Variants in AGAP1 observed in about 807,000 individuals in gnomAD.
AGAP1 encodes the protein arf-GAP with GTPase, ANK repeat and PH domain-containing protein 1.
Under a neutral mutation model 105.3 loss-of-function variants are expected in AGAP1, and 29 were observed. The ratio of observed to expected loss-of-function variants is 0.28; its 90% confidence interval spans 0.21 to 0.38. The LOEUF (loss-of-function observed/expected upper bound fraction) is 0.38, where lower values mean the gene tolerates loss of function less well. Ranked by LOEUF, AGAP1 falls within the 10% of genes least tolerant of loss-of-function variation. The pLI is 1.00. For synonymous variants in AGAP1, 509 were observed against 485.9 expected (o/e 1.05, Z -0.63); for missense variants, 998 against 1,165.1 (o/e 0.86, Z 2.09).
rs1943788478 is a variant in AGAP1 at position 235,550,964 on chromosome 2, G to C, written c.163+56115G>C. Among the ~76,000 whole-genome samples the C allele has an allele frequency of 2.6e-5, 4 of 152,176 alleles. 1 individual carries two copies. The South Asian group carries it at 8.3e-4, about 32-fold the overall frequency. On this transcript the variant is annotated intron_variant, in intron 1 of 17. Transcript: ENST00000304032. This position sits in a 1 kb window ranked among gnomAD's most constrained non-coding sequence, Gnocchi z 4.6. ...TAATTTTTGTATTTTAGTAGAAATG[G>C]GGTTTCACCATGTTGGGCAGGCTGG...
At chr2:235,897,390 T>TA (rs904815912) in intron 10 of AGAP1, among the ~76,000 whole-genome samples, 11 of 127,548 alleles carry the variant, frequency 8.6e-5, no homozygotes, top group African/African-American at 3.2e-4. Context: ...AGATCCTACC[T>TA]AACCTATTTT....
At chr2:235,968,175 C>T (rs111423031) in intron 12 of AGAP1, among the ~76,000 whole-genome samples, 4,274 of 152,196 alleles carry the variant, frequency 0.028, 107 homozygotes, top group South Asian at 0.11. Context: ...TTTTGCAGAG[C>T]TCCAGTCATG....
intron 1 of AGAP1, among the ~76,000 whole-genome samples, chr2:235,576,597 G>A (rs986017495): frequency 7.9e-5 from 12 of 152,194 alleles, no homozygotes; most frequent in Non-Finnish European, 1.5e-4. Context: ...AAGTGGTCGT[G>A]CTGTGCCCTA....
At position 235,622,712 on chromosome 2, in the gene AGAP1, G is replaced by A. The variant is rs1438554074; in HGVS notation, c.164-86467G>A. Among the ~76,000 whole-genome samples, 10 of 152,052 alleles carry A rather than the reference G, an allele frequency of 6.6e-5. No homozygotes were observed. The highest frequency in any genetic ancestry group is 2.2e-4 in the African/African-American group (9 of 41,388). On this transcript the variant is annotated intron_variant, in intron 1 of 17. Coordinates refer to ENST00000304032, the MANE Select transcript of AGAP1 (RefSeq NM_001037131.3). The surrounding 1 kb of genome is among the most constrained non-coding windows in gnomAD (Gnocchi z 5.0). ...AGGTGCTGTGGATCACTTGGACCAC[G>A]GTAGCTAATGTTTGTAGCGCGCTCA... is the stretch of plus-strand genomic sequence containing the variant.
chr2:235,542,963 A>G (rs1439800613), intron 1 of AGAP1, among the ~76,000 whole-genome samples: 2 of 151,996 alleles, frequency 1.3e-5, no homozygotes, highest in Non-Finnish European at 2.9e-5. Flanking sequence ...TGACCTGGGG[A>G]CGGTCTCCTG....
chr2:235,892,592 A>G (rs968411099), intron 10 of AGAP1, among the ~76,000 whole-genome samples: 6 of 152,112 alleles, frequency 3.9e-5, no homozygotes, highest in African/African-American at 1.4e-4. Flanking sequence ...GAAAAAAAAA[A>G]AAAAGATTGC....
At chr2:235,641,292 A>ATTCT (rs1327667700) in intron 1 of AGAP1, among the ~76,000 whole-genome samples, 1 of 113,366 alleles carries the variant, frequency 8.8e-6, no homozygotes, top group African/African-American at 3.5e-5. Context: ...CAGTACTGCG[A>ATTCT]TTCTTTCTTT....
rs759430806 is a variant in AGAP1, at chr2:235,739,309, G to A, written c.311-1654G>A. The stretch of plus-strand genomic sequence containing the variant: ...ACCTGTGTCAGATGTTTCCCAGCTT[G>A]TTTCATGATGACAACAGCTCTGCTA... On this transcript the variant is annotated intron_variant, in intron 3 of 17. Transcript: ENST00000304032. The surrounding 1 kb of genome is among the most constrained non-coding windows in gnomAD (Gnocchi z 5.3). Among the ~76,000 whole-genome samples the A allele has an allele frequency of 6.6e-6, 1 of 152,240 alleles. No homozygotes were observed. Among genetic ancestry groups the A allele is most frequent in the African/African-American group, 2.4e-5 (1 of 41,462 alleles).
At chr2:235,909,882 G>A (rs919397724) in intron 11 of AGAP1, among the ~76,000 whole-genome samples, 3 of 152,028 alleles carry the variant, frequency 2.0e-5, no homozygotes, top group Non-Finnish European at 2.9e-5. Flanking sequence ...TTAGCCGGGC[G>A]TGGTAGCAGG....
At chr2:235,649,473 A>G (rs1947508455) in intron 1 of AGAP1, among the ~76,000 whole-genome samples, 1 of 152,176 alleles carries the variant, frequency 6.6e-6, no homozygotes, top group African/African-American at 2.4e-5. Context: ...CCCTGGGCAT[A>G]AGCGATCCTC....
rs921408956 is a variant in AGAP1, at chr2:235,734,880, G to A, written c.311-6083G>A. Among the ~76,000 whole-genome samples, 1 of 152,240 alleles carries A rather than the reference G, an allele frequency of 6.6e-6. No homozygotes were observed. Among genetic ancestry groups the A allele is most frequent in the African/African-American group, 2.4e-5 (1 of 41,470 alleles). On this transcript the variant is annotated intron_variant, in intron 3 of 17. Coordinates refer to ENST00000304032, the MANE Select transcript of AGAP1 (RefSeq NM_001037131.3). This position sits in a 1 kb window ranked among gnomAD's most constrained non-coding sequence, Gnocchi z 5.3. The stretch of plus-strand genomic sequence containing the variant: ...TGGAGTCTTGGTCCTGCCGCGTGCT[G>A]GCCGTGGAGCTCTTGCTCTGTGTCT...
intron 1 of AGAP1, among the ~76,000 whole-genome samples, chr2:235,593,240 TG>T: frequency 6.6e-6 from 1 of 152,136 alleles, no homozygotes; most frequent in Non-Finnish European, 1.5e-5. Context: ...TTGCAGCACG[TG>T]GGTAACAAGT....
chr2:235,681,842 G>GC (rs1491272207), intron 1 of AGAP1, among the ~76,000 whole-genome samples: 17 of 92,770 alleles, frequency 1.8e-4, no homozygotes, highest in African/African-American at 6.9e-4. Context: ...AATTTAGTTT[G>GC]CTTTTTTTTT....
intron 16 of AGAP1, among the ~76,000 whole-genome samples, chr2:236,057,362 G>GC (rs1271483164): frequency 3.9e-5 from 6 of 152,160 alleles, no homozygotes; most frequent in Admixed American, 1.3e-4. Flanking sequence ...GCCTGCCTTG[G>GC]CCCCCCAAAG....
At chr2:235,881,307 G>A (rs1244705741) in intron 9 of AGAP1, among the ~76,000 whole-genome samples, 1 of 152,138 alleles carries the variant, frequency 6.6e-6, no homozygotes, top group Non-Finnish European at 1.5e-5. Flanking sequence ...AATTTAGGAG[G>A]TCGATGGAGG....
In AGAP1 at chr2:235,620,307, G is replaced by A. The variant is rs151309933; in HGVS notation, c.164-88872G>A. 3.5e-4 allele frequency among the ~76,000 whole-genome samples: 53 copies of A among 152,242 alleles called. No homozygotes were observed. The highest frequency in any genetic ancestry group is 4.6e-4 in the Non-Finnish European group (31 of 68,014). On this transcript the variant is annotated intron_variant, in intron 1 of 17. Coordinates refer to ENST00000304032, the MANE Select transcript of AGAP1 (RefSeq NM_001037131.3). This position sits in a 1 kb window ranked among gnomAD's most constrained non-coding sequence, Gnocchi z 4.5. ...GGATTACTGCTCACCTCTTCAAGCC[G>A]ATGCTGCTACTCTCCTGGACAGTCC...
intron 16 of AGAP1, among the ~76,000 whole-genome samples, chr2:236,103,458 A>G (rs1576312355): frequency 6.7e-6 from 1 of 149,936 alleles, no homozygotes; most frequent in Non-Finnish European, 1.5e-5. Context: ...CACAGGCTCC[A>G]TCTTTTTCTC....
intron 1 of AGAP1, among the ~76,000 whole-genome samples, chr2:235,672,059 A>AAT (rs1948463889): frequency 6.6e-6 from 1 of 152,090 alleles, no homozygotes; most frequent in African/African-American, 2.4e-5. Context: ...CAAAAAAAAA[A>AAT]ATATTATTCA....
intron 15 of AGAP1, among the ~76,000 whole-genome samples, chr2:236,043,058 G>A (rs1485174772): frequency 2.6e-5 from 4 of 152,206 alleles, no homozygotes; most frequent in Non-Finnish European, 5.9e-5. Flanking sequence ...CCAGCCTGCT[G>A]TATTTTCTCA....
Sources: allele counts gnomAD v4.1 joint callset (sites outside exome capture counted in the v4.1 genomes callset), GRCh38; gene constraint gnomAD v4.1.1; non-coding constraint Gnocchi (gnomAD v3.1); transcripts MANE v1.5; gene names NCBI Gene and HGNC (gene_info 2026-07-23, HGNC 2026-07-21).